IMMP2L: variants seen among roughly 807,000 people sequenced by gnomAD.
The protein encoded by IMMP2L is mitochondrial inner membrane protease subunit 2.
A neutral mutation model predicts 19.3 loss-of-function variants in IMMP2L; 18 were observed. That is an observed-to-expected ratio of 0.93 (90% CI 0.64 to 1.38). IMMP2L has a LOEUF of 1.38. IMMP2L is among the 40% of genes most tolerant of loss of function. IMMP2L has a pLI of 0.00. For missense variants in IMMP2L, 233 were observed against 218.2 expected, an observed-to-expected ratio of 1.07 and a Z score of -0.43; for synonymous variants, 76 against 73.0, an observed-to-expected ratio of 1.04 and a Z score of -0.21.
chr7:110,909,487 C>G (rs1812807471), intron 4 of IMMP2L, among the ~76,000 whole-genome samples: 1 of 152,122 alleles, frequency 6.6e-6, no homozygotes, highest in Non-Finnish European at 1.5e-5. Flanking sequence ...GAGAAAACTT[C>G]TAATGCAGTG....
chr7:110,732,612 G>A (rs1423740177), intron 5 of IMMP2L, among the ~76,000 whole-genome samples: 1 of 152,094 alleles, frequency 6.6e-6, no homozygotes, highest in African/African-American at 2.4e-5. Context: ...TGGAACTCAT[G>A]GGAAAATTAA....
At chr7:111,349,644 AG>A (rs756614570) in intron 3 of IMMP2L, among the ~76,000 whole-genome samples, 20 of 152,172 alleles carry the variant, frequency 1.3e-4, no homozygotes, top group Non-Finnish European at 2.6e-4. Context: ...AAGGGTAGTC[AG>A]GTGGTACCAG....
chr7:111,467,202 C>T (rs1840758035), intron 3 of IMMP2L, among the ~76,000 whole-genome samples: 2 of 152,156 alleles, frequency 1.3e-5, no homozygotes, highest in Non-Finnish European at 2.9e-5. Context: ...GCAAGTCACC[C>T]AATCTCTATG....
chr7:111,301,919 T>C (rs915462701), intron 3 of IMMP2L, among the ~76,000 whole-genome samples: 1 of 101,512 alleles, frequency 9.9e-6, no homozygotes, highest in Non-Finnish European at 2.0e-5. Context: ...AGTTTCATGC[T>C]TTAAAAAAAA....
chr7:110,683,420 T>A (rs1792875800), intron 5 of IMMP2L, among the ~76,000 whole-genome samples: 1 of 152,144 alleles, frequency 6.6e-6, no homozygotes, highest in Non-Finnish European at 1.5e-5. Flanking sequence ...AACTTTTGTT[T>A]AGTGAAACAA....
chr7:110,999,600 C>T (rs1340084738), intron 3 of IMMP2L, among the ~76,000 whole-genome samples: 2 of 143,512 alleles, frequency 1.4e-5, no homozygotes, highest in Admixed American at 7.0e-5. Context: ...TAAATATTTT[C>T]GATGAATAAA....
At chr7:111,341,755 T>A (rs947357103) in intron 3 of IMMP2L, among the ~76,000 whole-genome samples, 1 of 152,196 alleles carries the variant, frequency 6.6e-6, no homozygotes. Flanking sequence ...AAGCAAGTTT[T>A]AGAAACTTAA....
chr7:111,353,218 G>GTTTT, intron 3 of IMMP2L, among the ~76,000 whole-genome samples: 1 of 152,276 alleles, frequency 6.6e-6, no homozygotes, highest in Non-Finnish European at 1.5e-5. Context: ...GGAGAGTGAA[G>GTTTT]CACAAATCTC....
At chr7:111,091,546 T>A (rs970220098) in intron 3 of IMMP2L, 6 of 152,202 alleles carry the variant, frequency 3.9e-5, no homozygotes, top group Non-Finnish European at 8.8e-5. Flanking sequence ...ACGTTCTATT[T>A]CTTGTCTCTT....
chr7:111,448,065 T>C (rs1424990849), intron 3 of IMMP2L, among the ~76,000 whole-genome samples: 1 of 144,562 alleles, frequency 6.9e-6, no homozygotes, highest in Non-Finnish European at 1.5e-5. Context: ...AAGCAAGTCG[T>C]GAGTGACCTA....
intron 2 of IMMP2L, among the ~76,000 whole-genome samples, chr7:111,509,176 T>C (rs892363167): frequency 2.0e-5 from 3 of 152,198 alleles, no homozygotes; most frequent in African/African-American, 4.8e-5. Context: ...TCTCAAACTT[T>C]AGTATTTACA....
chr7:110,945,548 C>G (rs1292459552), intron 4 of IMMP2L, among the ~76,000 whole-genome samples: 2 of 151,944 alleles, frequency 1.3e-5, no homozygotes, highest in Non-Finnish European at 2.9e-5. Context: ...CCCTGTACCC[C>G]GGAGTGGGAG....
chr7:110,908,753 C>G (rs1252185611), intron 4 of IMMP2L, among the ~76,000 whole-genome samples: 1 of 152,160 alleles, frequency 6.6e-6, no homozygotes, highest in African/African-American at 2.4e-5. Context: ...AACAATGTAA[C>G]AGAATAAATC....
chr7:110,985,342 T>C (rs573852007), intron 3 of IMMP2L, among the ~76,000 whole-genome samples: 1 of 152,286 alleles, frequency 6.6e-6, no homozygotes, highest in South Asian at 2.1e-4. Context: ...GTAACTTGCT[T>C]GTTAAAAATG....
chr7:111,355,008 G>A (rs1407970931), intron 3 of IMMP2L, among the ~76,000 whole-genome samples: 1 of 151,714 alleles, frequency 6.6e-6, no homozygotes, highest in Non-Finnish European at 1.5e-5. Context: ...AGAAAGTGAA[G>A]GATCTGAAAA....
chr7:111,239,246 C>A (rs982476616), intron 3 of IMMP2L, among the ~76,000 whole-genome samples: 1 of 151,852 alleles, frequency 6.6e-6, no homozygotes, highest in African/African-American at 2.4e-5. Context: ...CCTGAAATCA[C>A]CTCTTTCTCT....
intron 2 of IMMP2L, among the ~76,000 whole-genome samples, chr7:111,515,778 G>C (rs1845826070): frequency 3.9e-5 from 6 of 151,944 alleles, no homozygotes; most frequent in Admixed American, 2.6e-4. Flanking sequence ...CCATCAACCT[G>C]AGCGGCACAG....
chr7:111,227,802 T>C (rs1416838982), intron 3 of IMMP2L, among the ~76,000 whole-genome samples: 3 of 152,166 alleles, frequency 2.0e-5, no homozygotes, highest in Non-Finnish European at 2.9e-5. Flanking sequence ...AGAAACAGAA[T>C]TCTGGCATCT....
At chr7:110,904,194 C>A (rs1231639017) in intron 4 of IMMP2L, among the ~76,000 whole-genome samples, 1 of 152,098 alleles carries the variant, frequency 6.6e-6, no homozygotes, top group Non-Finnish European at 1.5e-5. Context: ...TTCCCCCATT[C>A]CACAGGTTGT....
Sources: gnomAD v4.1 joint callset for allele counts (sites outside exome capture counted in the v4.1 genomes callset) on GRCh38, gnomAD v4.1.1 for gene constraint, MANE v1.5 for transcripts, NCBI Gene and HGNC (gene_info 2026-07-23, HGNC 2026-07-21) for gene names.